Variants in TNFRSF21 observed in about 807,000 individuals in gnomAD.
The protein encoded by TNFRSF21 is tumor necrosis factor receptor superfamily member 21.
In TNFRSF21, 19 loss-of-function variants were observed where a neutral mutation model predicts 45.6. The observed-to-expected ratio is 0.42, with a 90% confidence interval of 0.29 to 0.61. TNFRSF21 has a LOEUF of 0.61. Ranked by LOEUF, TNFRSF21 falls within the 20% of genes least tolerant of loss-of-function variation. TNFRSF21 has a pLI of 0.23. For synonymous variants in TNFRSF21, 314 were observed against 335.5 expected, an observed-to-expected ratio of 0.94 and a Z score of 0.70; for missense variants, 737 against 851.5, an observed-to-expected ratio of 0.87 and a Z score of 1.67.
At chr6:47,260,833 C>T (rs1765064650) in intron 3 of TNFRSF21, among the ~76,000 whole-genome samples, 1 of 152,160 alleles carries the variant, frequency 6.6e-6, no homozygotes, top group East Asian at 1.9e-4. Context: ...TTGATGGTAT[C>T]AAACTCATCA....
In TNFRSF21 at chr6:47,275,493, G is replaced by A. The variant is rs112699928; in HGVS notation, c.1243+8445C>T. Among the ~76,000 whole-genome samples, 384 of 152,128 alleles carry A rather than the reference G, an allele frequency of 2.5e-3. 1 individual carries two copies. The highest frequency in any genetic ancestry group is 3.6e-3 in the Non-Finnish European group (243 of 68,000). ...CACAGGGTGGGGAACATCACCCACC[G>A]GGGCCTGTTGGGGGGTGGCGGACTC... On this transcript the variant is annotated intron_variant, in intron 3 of 5. Coordinates refer to ENST00000296861, the MANE Select transcript of TNFRSF21 (RefSeq NM_014452.5).
chr6:47,286,404 A>G lies in TNFRSF21; in HGVS notation c.288T>C (p.Phe96=), dbSNP rs1762649535. ...RVCSSCPVGT[F]TRHENGIEKC... is the part of the protein sequence containing the mutation. The stretch of plus-strand genomic sequence containing the variant: ...TCTCTATGCCATTCTCATGCCTGGT[A>G]AAGGTCCCCACAGGGCAACTGCTGC... The change falls in exon 2 of 6, where the codon TTT becomes TTC. Residue 96 remains phenylalanine, a synonymous_variant. Coordinates refer to ENST00000296861, the MANE Select transcript of TNFRSF21 (RefSeq NM_014452.5). The G allele has an allele frequency of 6.2e-7, 1 of 1,614,098 alleles. No individual in the cohort carries two copies. The highest frequency in any genetic ancestry group is 1.3e-5 in the African/African-American group (1 of 74,940).
intron 3 of TNFRSF21, among the ~76,000 whole-genome samples, chr6:47,258,199 T>A (rs1765017037): frequency 6.6e-6 from 1 of 151,814 alleles, no homozygotes; most frequent in Non-Finnish European, 1.5e-5. Context: ...CGAAACCCTG[T>A]CTCTACTAAA....
chr6:47,273,486 A>G (rs528809574), intron 3 of TNFRSF21, among the ~76,000 whole-genome samples: 1 of 152,304 alleles, frequency 6.6e-6, no homozygotes, highest in Non-Finnish European at 1.5e-5. Context: ...AAATCTCAAT[A>G]AACTAGGTAT....
At chr6:47,250,074 AAC>A (rs1764879126) in intron 4 of TNFRSF21, among the ~76,000 whole-genome samples, 1 of 152,198 alleles carries the variant, frequency 6.6e-6, no homozygotes, top group Non-Finnish European at 1.5e-5. Flanking sequence ...TAAAAATGTA[AAC>A]ACACTGAAAT....
At chr6:47,307,930 C>G (rs1402095249) in intron 1 of TNFRSF21, among the ~76,000 whole-genome samples, 2 of 152,106 alleles carry the variant, frequency 1.3e-5, no homozygotes, top group Non-Finnish European at 2.9e-5. Context: ...GATGATAGTT[C>G]TCACTCCACT....
At chr6:47,309,272 C>T in intron 1 of TNFRSF21, 144 bp downstream of exon 1, 1 of 1,198,460 alleles carries the variant, frequency 8.3e-7, no homozygotes, top group Non-Finnish European at 1.1e-6. Context: ...TGTTGCCTTC[C>T]CTTGGAAACC....
At position 47,240,786 on chromosome 6, in the gene TNFRSF21, T is replaced by C. The variant is rs530293171; in HGVS notation, c.1510-5888A>G. 2.0e-5 allele frequency among the ~76,000 whole-genome samples: 3 copies of C among 152,240 alleles called. 1 individual carries two copies. The East Asian group carries it at 5.8e-4, about 29-fold the overall frequency. On this transcript the variant is annotated intron_variant, in intron 4 of 5. Coordinates refer to ENST00000296861, the MANE Select transcript of TNFRSF21 (RefSeq NM_014452.5). ...CTGCGCTAAGATAAATATGAGAGAT[T>C]CTGTGAATACCAGATACCTCAACTG...
intron 1 of TNFRSF21, 131 bp from the exon 2 acceptor site, chr6:47,286,726 T>G (rs1219908009): frequency 1.0e-6 from 1 of 957,680 alleles, no homozygotes; most frequent in African/African-American, 1.7e-5. Flanking sequence ...CAGGACTGCA[T>G]CCTCTTGACA....
intron 1 of TNFRSF21, among the ~76,000 whole-genome samples, chr6:47,296,840 T>A (rs1762796757): frequency 6.6e-6 from 1 of 152,144 alleles, no homozygotes. Flanking sequence ...ATCAAGAAAC[T>A]GGGGCTGGGT....
At chr6:47,290,500 C>G (rs545113753) in intron 1 of TNFRSF21, among the ~76,000 whole-genome samples, 3 of 152,206 alleles carry the variant, frequency 2.0e-5, no homozygotes, top group South Asian at 4.2e-4. Flanking sequence ...GTTTTCCTAG[C>G]TATACATAAA....
chr6:47,268,045 C>T (rs1303976385), intron 3 of TNFRSF21, among the ~76,000 whole-genome samples: 2 of 152,210 alleles, frequency 1.3e-5, no homozygotes, highest in African/African-American at 2.4e-5. Context: ...TCCACACCTC[C>T]ACTCCTCCTT....
At chr6:47,261,602 TGGG>T (rs1765074894) in intron 3 of TNFRSF21, among the ~76,000 whole-genome samples, 1 of 152,242 alleles carries the variant, frequency 6.6e-6, no homozygotes, top group Non-Finnish European at 1.5e-5. Flanking sequence ...TGCTCACCAC[TGGG>T]TGAAACCTGG....
chr6:47,249,686 A>C (rs1400933651), intron 4 of TNFRSF21, among the ~76,000 whole-genome samples: 1 of 152,218 alleles, frequency 6.6e-6, no homozygotes, highest in Non-Finnish European at 1.5e-5. Context: ...TGTAACATTA[A>C]AATTCATGAA....
intron 1 of TNFRSF21, among the ~76,000 whole-genome samples, chr6:47,299,794 G>C (rs1476481319): frequency 2.6e-5 from 4 of 152,140 alleles, no homozygotes; most frequent in African/African-American, 9.7e-5. Flanking sequence ...ATATTGGCAG[G>C]CTTGTGGGCT....
intron 3 of TNFRSF21, among the ~76,000 whole-genome samples, chr6:47,261,188 G>A (rs1765069248): frequency 6.6e-6 from 1 of 152,206 alleles, no homozygotes. Flanking sequence ...GATGGCCACA[G>A]CACATACAGC....
intron 1 of TNFRSF21, among the ~76,000 whole-genome samples, chr6:47,297,322 T>C (rs1279303670): frequency 6.6e-6 from 1 of 152,210 alleles, no homozygotes; most frequent in Non-Finnish European, 1.5e-5. Context: ...AAGACTGTTT[T>C]GAGAATTAAT....
chr6:47,258,515 C>T (rs1168683770), intron 3 of TNFRSF21, among the ~76,000 whole-genome samples: 1 of 150,918 alleles, frequency 6.6e-6, no homozygotes, highest in African/African-American at 2.4e-5. Context: ...GATCTCAGCT[C>T]ACTGCAGCCT....
intron 3 of TNFRSF21, among the ~76,000 whole-genome samples, chr6:47,274,998 G>A (rs2113859779): frequency 6.6e-6 from 1 of 152,328 alleles, no homozygotes. Flanking sequence ...AACAGATACT[G>A]GAGAGGATGT....
Sources: gnomAD v4.1 joint callset for allele counts (sites outside exome capture counted in the v4.1 genomes callset) on GRCh38, gnomAD v4.1.1 for gene constraint, MANE v1.5 for transcripts, NCBI Gene and HGNC (gene_info 2026-07-23, HGNC 2026-07-21) for gene names.